Variants in NALCN observed in about 807,000 individuals in gnomAD.
The protein encoded by NALCN is sodium leak channel NALCN.
Under a neutral mutation model 225.3 loss-of-function variants are expected in NALCN, and 111 were observed. The ratio of observed to expected loss-of-function variants is 0.49; its 90% confidence interval spans 0.42 to 0.58. The LOEUF (loss-of-function observed/expected upper bound fraction) is 0.58. NALCN is among the 20% of genes least tolerant of loss of function. The pLI, the probability that NALCN is intolerant of heterozygous loss-of-function variation, is 0.00. For missense variants in NALCN, 1,378 were observed against 2,202.4 expected (o/e 0.63, Z 7.49); for synonymous variants, 764 against 769.0 (o/e 0.99, Z 0.11).
At chr13:101,216,160 T>C (rs2040722644) in intron 13 of NALCN, among the ~76,000 whole-genome samples, 3 of 152,084 alleles carry the variant, frequency 2.0e-5, no homozygotes, top group African/African-American at 7.2e-5. Context: ...TAATATGTAG[T>C]TGCTTTTTAT....
chr13:101,267,481 C>A (rs1487132257), intron 10 of NALCN, among the ~76,000 whole-genome samples: 1 of 152,210 alleles, frequency 6.6e-6, no homozygotes, highest in Non-Finnish European at 1.5e-5. Flanking sequence ...ATCCTCCACA[C>A]CAACTCCAGA....
Position 101,104,402 on chromosome 13 carries a change from A to G in NALCN, c.2782T>C (p.Phe928Leu). Residue 928 changes from phenylalanine to leucine, a missense_variant, in exon 25 of 44, where the codon TTC (phenylalanine) becomes CTC (leucine). Phe to Leu is a conservative substitution (Grantham distance 22). Coordinates refer to ENST00000251127, the MANE Select transcript of NALCN (RefSeq NM_052867.4). This position sits in a 1 kb window ranked among gnomAD's most constrained non-coding sequence, Gnocchi z 4.2. ...TTCAGATTAAGCTCAATGCTCATGA[A>G]TATCACAAACACATACTCAGCAATC... ...LQIAEYVFVI[F>L]MSIELNLKIM... The G allele has an allele frequency of 6.2e-7, 1 of 1,613,724 alleles. No individual in the cohort carries two copies. Among genetic ancestry groups the G allele is most frequent in the Non-Finnish European group, 8.5e-7 (1 of 1,179,776 alleles).
At chr13:101,108,496 A>G (rs1438615614) in intron 20 of NALCN, among the ~76,000 whole-genome samples, 1 of 152,228 alleles carries the variant, frequency 6.6e-6, no homozygotes, top group African/African-American at 2.4e-5. Flanking sequence ...AGAGAGACAT[A>G]GACAGGCTAG....
In NALCN at chr13:101,281,721, A is replaced by G. The variant is rs570857955; in HGVS notation, c.1134+2212T>C. ...TGGAACAGGGGAAAATTGGAACACC[A>G]TATTTCTGAAAAGGAGATAATATTC... is the stretch of plus-strand genomic sequence containing the variant. On this transcript the variant is annotated intron_variant, in intron 10 of 43. Transcript: ENST00000251127. Among the ~76,000 whole-genome samples the G allele has an allele frequency of 1.6e-4, 25 of 152,346 alleles. No individual in the cohort carries two copies. The East Asian group carries it at 3.5e-3, about 21-fold the overall frequency.
intron 15 of NALCN, among the ~76,000 whole-genome samples, chr13:101,161,060 C>G (rs771361997): frequency 3.9e-5 from 6 of 152,204 alleles, no homozygotes; most frequent in Non-Finnish European, 7.3e-5. Flanking sequence ...ACAATCTCAT[C>G]CAGATTTACA....
chr13:101,257,664 CCTCA>C (rs1300953815), intron 11 of NALCN, among the ~76,000 whole-genome samples: 2 of 151,678 alleles, frequency 1.3e-5, no homozygotes, highest in Non-Finnish European at 2.9e-5. Flanking sequence ...TGTATGTATA[CCTCA>C]CTCACACAAT....
chr13:101,226,450 G>A (rs1248240638), intron 13 of NALCN, among the ~76,000 whole-genome samples: 1 of 152,204 alleles, frequency 6.6e-6, no homozygotes, highest in African/African-American at 2.4e-5. Flanking sequence ...CTGTTGAGCT[G>A]CTTTTTGTGT....
At chr13:101,390,297 C>T (rs922960659) in intron 3 of NALCN, among the ~76,000 whole-genome samples, 1 of 151,346 alleles carries the variant, frequency 6.6e-6, no homozygotes, top group Non-Finnish European at 1.5e-5. Context: ...AAAAACTGTT[C>T]AGGAAATGAT....
chr13:101,329,516 A>G (rs555527847), intron 7 of NALCN, among the ~76,000 whole-genome samples: 1 of 152,304 alleles, frequency 6.6e-6, no homozygotes, highest in African/African-American at 2.4e-5. Flanking sequence ...CCCAGGCTGC[A>G]CAGAGGTTGG....
At chr13:101,244,720 T>C (rs1406633391) in intron 11 of NALCN, among the ~76,000 whole-genome samples, 1 of 152,188 alleles carries the variant, frequency 6.6e-6, no homozygotes, top group South Asian at 2.1e-4. Flanking sequence ...AGAAGGTGAT[T>C]AGGAAAATCA....
At chr13:101,366,923 C>T (rs573506512) in intron 6 of NALCN, among the ~76,000 whole-genome samples, 1 of 151,776 alleles carries the variant, frequency 6.6e-6, no homozygotes, top group African/African-American at 2.4e-5. Flanking sequence ...CTCCTCATTC[C>T]CTTGCAGCTC....
chr13:101,191,652 T>C (rs185516816), intron 14 of NALCN, among the ~76,000 whole-genome samples: 16 of 152,290 alleles, frequency 1.1e-4, no homozygotes, highest in African/African-American at 3.6e-4. Context: ...TAAATTGGTA[T>C]GTAAATGTGA....
At chr13:101,147,354 C>CTTTTT (rs34988610) in intron 15 of NALCN, among the ~76,000 whole-genome samples, 1 of 125,092 alleles carries the variant, frequency 8.0e-6, no homozygotes, top group African/African-American at 3.0e-5. Flanking sequence ...CTCTCTCTCT[C>CTTTTT]TTTTTTTTTT....
chr13:101,131,016 TTTC>T (rs1465215834), intron 17 of NALCN, among the ~76,000 whole-genome samples: 1 of 152,174 alleles, frequency 6.6e-6, no homozygotes, highest in Admixed American at 6.5e-5. Flanking sequence ...TTTTCATCTC[TTTC>T]TTCATTTCTC....
In NALCN at chr13:101,192,010, CA is replaced by C; in HGVS notation, c.1670del (p.Val557GlyfsTer3). ...MFQILTQEGWVDVMDQTLNAV... is the reference protein window; with the variant it reads ...MFQILTQEGWXDVMDQTLNAV... Reference sequence around the variant, plus strand: ...CATTTAGAGTTTGGTCCATTACGTCCACCCATCCTTCCTGGGTGAGGATCTG... The same window carrying C: ...CATTTAGAGTTTGGTCCATTACGTCCCCCATCCTTCCTGGGTGAGGATCTG... On this transcript the variant is annotated frameshift_variant, in exon 14 of 44. Coordinates refer to ENST00000251127, the MANE Select transcript of NALCN (RefSeq NM_052867.4). LOFTEE classifies it high-confidence loss of function. 1 of 1,598,128 alleles carries C rather than the reference CA, an allele frequency of 6.3e-7. No homozygotes were observed. Among genetic ancestry groups the C allele is most frequent in the Non-Finnish European group, 8.5e-7 (1 of 1,175,108 alleles).
At chr13:101,394,953 T>G (rs940740815) in intron 3 of NALCN, among the ~76,000 whole-genome samples, 2 of 152,198 alleles carry the variant, frequency 1.3e-5, no homozygotes, top group Non-Finnish European at 2.9e-5. Flanking sequence ...TCTTGTTCCT[T>G]CTCAGATATT....
At chr13:101,313,978 G>C (rs1204466849) in intron 7 of NALCN, among the ~76,000 whole-genome samples, 2 of 151,994 alleles carry the variant, frequency 1.3e-5, no homozygotes, top group Non-Finnish European at 2.9e-5. Context: ...ATACTATGCA[G>C]CCATAAAAAA....
intron 12 of NALCN, among the ~76,000 whole-genome samples, chr13:101,237,416 A>C (rs1230453217): frequency 2.0e-5 from 3 of 152,080 alleles, no homozygotes; most frequent in East Asian, 3.8e-4. Context: ...TTGTGCCAAC[A>C]TCTTATGTAG....
chr13:101,057,879 A>C, intron 43 of NALCN, 60 bp downstream of exon 43: 3 of 1,351,954 alleles, frequency 2.2e-6, no homozygotes, highest in Non-Finnish European at 3.2e-6. Context: ...CAAAACACAC[A>C]AACAGAGTAA....
Sources: gnomAD v4.1 joint callset for allele counts (sites outside exome capture counted in the v4.1 genomes callset) on GRCh38, gnomAD v4.1.1 for gene constraint, Gnocchi (gnomAD v3.1) non-coding constraint, MANE v1.5 for transcripts, NCBI Gene and HGNC (gene_info 2026-07-23, HGNC 2026-07-21) for gene names.